B4GALT6: variants seen among roughly 807,000 people sequenced by gnomAD.
B4GALT6 encodes beta-1,4-galactosyltransferase 6.
Under a neutral mutation model 46.3 loss-of-function variants are expected in B4GALT6, and 14 were observed. The ratio of observed to expected loss-of-function variants is 0.30; its 90% CI spans 0.20 to 0.47. B4GALT6 has a LOEUF of 0.47. B4GALT6 is among the 20% of genes least tolerant of loss of function. The probability of loss-of-function intolerance (pLI) is 0.99; values close to 1 mark genes in which losing one functional copy is unlikely to be tolerated. For missense variants in B4GALT6, 386 were observed against 480.1 expected, an observed-to-expected ratio of 0.80 and a Z score of 1.83; for synonymous variants, 168 against 162.0, an observed-to-expected ratio of 1.04 and a Z score of -0.28.
intron 1 of B4GALT6, among the ~76,000 whole-genome samples, chr18:31,679,198 T>C (rs576990789): frequency 2.6e-5 from 4 of 152,340 alleles, no homozygotes; most frequent in African/African-American, 4.8e-5. Flanking sequence ...CTCTGCCACA[T>C]TGTTTAACAG....
intron 2 of B4GALT6, among the ~76,000 whole-genome samples, chr18:31,659,919 AG>A (rs1308613979): frequency 6.6e-6 from 1 of 151,862 alleles, no homozygotes; most frequent in Non-Finnish European, 1.5e-5. Context: ...AGCAAGTGTA[AG>A]GAAGTCCAAT....
intron 5 of B4GALT6, among the ~76,000 whole-genome samples, chr18:31,633,295 C>T (rs770054214): frequency 1.3e-5 from 2 of 152,044 alleles, no homozygotes. Context: ...AGGAACACAC[C>T]AGCGATAAAG....
chr18:31,684,398 A>AC lies in B4GALT6; in HGVS notation c.28dup (p.Val10GlyfsTer61). 6.2e-7 allele frequency: 1 copy of AC among 1,612,458 alleles called. No individual in the cohort carries two copies. Among genetic ancestry groups the AC allele is most frequent in the Non-Finnish European group, 8.5e-7 (1 of 1,179,422 alleles). ...GAAGGCGAGGAGAGAGCGATTGGAA[A>AC]CCCGCATCATCCGCCTGAGCACAGA... On this transcript the variant is annotated frameshift_variant, in exon 1 of 9. Transcript: ENST00000306851. LOFTEE classifies it high-confidence loss of function.
At chr18:31,686,682 A>C (rs1450291320), upstream of B4GALT6, 1 of 152,274 alleles carries the variant, frequency 6.6e-6, no homozygotes, top group Non-Finnish European at 1.5e-5. Flanking sequence ...TTTGAAATGC[A>C]AAGTGGAACA....
At chr18:31,637,168 G>C (rs1256435670) in intron 5 of B4GALT6, among the ~76,000 whole-genome samples, 3 of 152,228 alleles carry the variant, frequency 2.0e-5, no homozygotes, top group Non-Finnish European at 1.5e-5. Context: ...ACTACAAAAA[G>C]TAAGTCAAGG....
intron 6 of B4GALT6, among the ~76,000 whole-genome samples, chr18:31,628,784 G>A (rs1387273997): frequency 6.6e-6 from 1 of 152,154 alleles, no homozygotes; most frequent in Non-Finnish European, 1.5e-5. Context: ...CTCTACAAAC[G>A]TCCAAGATGC....
chr18:31,665,751 A>G (rs749532550), intron 2 of B4GALT6, among the ~76,000 whole-genome samples: 9 of 152,304 alleles, frequency 5.9e-5, no homozygotes, highest in Admixed American at 1.3e-4. Flanking sequence ...AAAAAAATAA[A>G]TAAGTAAAAT....
rs576997651 is a variant in B4GALT6, at chr18:31,624,316, G to A, written c.*1298C>T. 19 of 151,572 alleles carry A rather than the reference G, an allele frequency of 1.3e-4. No individual in the cohort carries two copies. The highest frequency in any genetic ancestry group is 2.6e-4 in the Admixed American group (4 of 15,226). The allele number at this position is 151,572 out of a possible 1,614,324, so 9.4% of individuals were successfully genotyped here. Reference sequence around the variant, plus strand: ...ATATAGAAGACATTATAATATCAGCGCACTGAATACTGATCATGTATTTTA... The same window carrying A: ...ATATAGAAGACATTATAATATCAGCACACTGAATACTGATCATGTATTTTA... On this transcript the variant is annotated 3_prime_UTR_variant, in exon 9 of 9. Coordinates refer to ENST00000306851, the MANE Select transcript of B4GALT6 (RefSeq NM_004775.5).
chr18:31,714,835 C>A, the B4GALT6 span, among the ~76,000 whole-genome samples: 1 of 152,174 alleles, frequency 6.6e-6, no homozygotes, highest in African/African-American at 2.4e-5. Context: ...TGTAGGCTGT[C>A]AGCTCATTTC....
At chr18:31,650,686 A>G (rs925206130) in intron 3 of B4GALT6, among the ~76,000 whole-genome samples, 17 of 152,198 alleles carry the variant, frequency 1.1e-4, no homozygotes, top group African/African-American at 4.1e-4. Flanking sequence ...AAATCAGATA[A>G]AGTATATTCT....
rs1212233405 is a variant in B4GALT6 at position 31,684,442 on chromosome 18, C to T, written c.-16G>A. 1.2e-6 allele frequency: 2 copies of T among 1,611,720 alleles called. No individual in the cohort carries two copies. Among genetic ancestry groups the T allele is most frequent in the African/African-American group, 1.3e-5 (1 of 74,850 alleles). On this transcript the variant is annotated 5_prime_UTR_variant, in exon 1 of 9. Transcript: ENST00000306851. ...GCACAGACATCTTCCTCTTCCCTGC[C>T]AGCAGCCCAGGCTGCGCTCTCAGGC...
At chr18:31,665,602 C>T (rs528685590) in intron 2 of B4GALT6, among the ~76,000 whole-genome samples, 9 of 152,122 alleles carry the variant, frequency 5.9e-5, no homozygotes, top group African/African-American at 1.4e-4. Flanking sequence ...ATTAGCCGGG[C>T]GTGGTGATGG....
the B4GALT6 span, among the ~76,000 whole-genome samples, chr18:31,705,877 T>G: frequency 2.6e-5 from 4 of 152,334 alleles, no homozygotes; most frequent in Admixed American, 2.6e-4. Context: ...TTATTCAACG[T>G]TTTTCTGAAA....
At chr18:31,696,290 C>T in the B4GALT6 span, among the ~76,000 whole-genome samples, 1 of 152,094 alleles carries the variant, frequency 6.6e-6, no homozygotes, top group African/African-American at 2.4e-5. Context: ...ATCCATCATA[C>T]GCGTATTTGG....
intron 4 of B4GALT6, among the ~76,000 whole-genome samples, chr18:31,644,235 A>C (rs1343850795): frequency 4.6e-5 from 7 of 152,264 alleles, no homozygotes; most frequent in Non-Finnish European, 7.3e-5. Context: ...ATTTGTAACA[A>C]GGCCAAAAAG....
At chr18:31,708,281 A>G in the B4GALT6 span, among the ~76,000 whole-genome samples, 1 of 152,198 alleles carries the variant, frequency 6.6e-6, no homozygotes, top group African/African-American at 2.4e-5. Flanking sequence ...ACACAGCACT[A>G]TAGCTGGGTG....
At chr18:31,658,966 T>G (rs114853622) in intron 2 of B4GALT6, among the ~76,000 whole-genome samples, 329 of 152,274 alleles carry the variant, frequency 2.2e-3, no homozygotes, top group African/African-American at 7.6e-3. Context: ...AGATCACATT[T>G]CAGTCCCTTT....
intron 4 of B4GALT6, among the ~76,000 whole-genome samples, chr18:31,641,362 A>G (rs2073929103): frequency 6.6e-6 from 1 of 152,264 alleles, no homozygotes; most frequent in South Asian, 2.1e-4. Context: ...ATGTGCTAAC[A>G]GCAAATAGAT....
Position 31,645,488 on chromosome 18 carries a change from T to C in B4GALT6, c.347-9A>G, listed in dbSNP as rs370200838. 5.8e-5 allele frequency: 92 copies of C among 1,599,754 alleles called. No homozygotes were observed. Among genetic ancestry groups the C allele is most frequent in the Non-Finnish European group, 7.6e-5 (90 of 1,176,488 alleles). On this transcript the variant is annotated splice_polypyrimidine_tract_variant and intron_variant, in intron 3 of 8. Transcript: ENST00000306851. The stretch of plus-strand genomic sequence containing the variant: ...GACATTGAGGAATCCTCCTACAAAT[T>C]AAAAATGTAAAGAATTGTTTTAATA...
Sources: gnomAD v4.1 joint callset for allele counts (sites outside exome capture counted in the v4.1 genomes callset) on GRCh38, gnomAD v4.1.1 for gene constraint, MANE v1.5 for transcripts, NCBI Gene and HGNC (gene_info 2026-07-23, HGNC 2026-07-21) for gene names.